CYTH1: variants seen among roughly 807,000 people sequenced by gnomAD.
The protein encoded by CYTH1 is cytohesin-1.
Under a neutral mutation model 61.8 loss-of-function variants are expected in CYTH1, and 18 were observed. The observed-to-expected ratio is 0.29, with a 90% CI of 0.20 to 0.43. The LOEUF (loss-of-function observed/expected upper bound fraction) is 0.43. Ranked by LOEUF, CYTH1 falls within the 20% of genes least tolerant of loss-of-function variation. The pLI is 1.00. For synonymous variants in CYTH1, 174 were observed against 184.3 expected, an observed-to-expected ratio of 0.94 and a Z score of 0.45; for missense variants, 336 against 510.5, an observed-to-expected ratio of 0.66 and a Z score of 3.29.
At chr17:78,711,818 C>T (rs568125202) in intron 1 of CYTH1, among the ~76,000 whole-genome samples, 9 of 151,846 alleles carry the variant, frequency 5.9e-5, no homozygotes, top group Non-Finnish European at 7.4e-5. Flanking sequence ...TTGTAGCTCA[C>T]GCCTGTAATC....
At chr17:78,721,831 G>T (rs1439803352) in intron 1 of CYTH1, among the ~76,000 whole-genome samples, 3 of 152,164 alleles carry the variant, frequency 2.0e-5, no homozygotes, top group Non-Finnish European at 4.4e-5. Flanking sequence ...ATCACTTGAG[G>T]TAAGGAGTTC....
chr17:78,739,156 T>TG (rs1363362784), intron 1 of CYTH1, among the ~76,000 whole-genome samples: 5 of 152,264 alleles, frequency 3.3e-5, no homozygotes, highest in Non-Finnish European at 5.9e-5. Context: ...TTTAAATGAT[T>TG]TGTAGATTAC....
intron 11 of CYTH1, among the ~76,000 whole-genome samples, chr17:78,688,210 T>C (rs1027232928): frequency 1.3e-5 from 2 of 152,218 alleles, no homozygotes; most frequent in African/African-American, 4.8e-5. Flanking sequence ...CATCCATGCA[T>C]ATAACACCAC....
intron 1 of CYTH1, among the ~76,000 whole-genome samples, chr17:78,768,368 T>C (rs528899945): frequency 2.6e-5 from 4 of 152,316 alleles, no homozygotes; most frequent in South Asian, 2.1e-4. Context: ...CACTCCTGCG[T>C]TGATCATCTC....
chr17:78,703,446 G>T (rs1176443943), intron 3 of CYTH1, among the ~76,000 whole-genome samples: 4 of 150,344 alleles, frequency 2.7e-5, no homozygotes, highest in African/African-American at 4.9e-5. Flanking sequence ...CTTTATCAGG[G>T]TATAATTTAC....
At chr17:78,751,124 T>C (rs936279190) in intron 1 of CYTH1, among the ~76,000 whole-genome samples, 5 of 152,002 alleles carry the variant, frequency 3.3e-5, no homozygotes, top group African/African-American at 9.7e-5. Flanking sequence ...GCTGGAACCA[T>C]GGGCGCATGG....
chr17:78,761,119 C>T (rs2093426953), intron 1 of CYTH1, among the ~76,000 whole-genome samples: 1 of 152,080 alleles, frequency 6.6e-6, no homozygotes, highest in Admixed American at 6.5e-5. Flanking sequence ...AGGTGTGAGC[C>T]ACCGCGCCCA....
chr17:78,772,352 C>G (rs747450870), intron 1 of CYTH1, among the ~76,000 whole-genome samples: 11 of 152,142 alleles, frequency 7.2e-5, no homozygotes, highest in Non-Finnish European at 1.6e-4. Flanking sequence ...GCCCCCCATA[C>G]TTGAAATAAG....
intron 1 of CYTH1, among the ~76,000 whole-genome samples, chr17:78,715,333 T>A (rs1368546265): frequency 3.9e-5 from 6 of 152,182 alleles, no homozygotes; most frequent in Non-Finnish European, 5.9e-5. Context: ...TAAAACAGAC[T>A]CATTTCAGAT....
At position 78,700,583 on chromosome 17, in the gene CYTH1, G is replaced by A. The variant is rs1484804949; in HGVS notation, c.438-140C>T. ...TCTGTCACCCAGGCTGGAGTGCAGT[G>A]GCGTGATCTTGGCTCACTGCAACCT... On this transcript the variant is annotated intron_variant, in intron 6 of 13. Coordinates refer to ENST00000446868, the MANE Select transcript of CYTH1 (RefSeq NM_004762.6). This position sits in a 1 kb window ranked among gnomAD's most constrained non-coding sequence, Gnocchi z 5.1. 4.9e-5 allele frequency: 32 copies of A among 653,434 alleles called. No individual in the cohort carries two copies. The Admixed American group carries it at 9.5e-4, about 19-fold the overall frequency. The allele number at this position is 653,434 out of a possible 1,614,324, so 40.5% of individuals were successfully genotyped here.
intron 1 of CYTH1, among the ~76,000 whole-genome samples, chr17:78,760,359 A>T (rs1366371798): frequency 2.3e-5 from 1 of 44,186 alleles, no homozygotes; most frequent in African/African-American, 7.1e-5. Context: ...GCAGGTTTAT[A>T]TATATATATA....
At chr17:78,711,706 CTTTT>C (rs78639438) in intron 1 of CYTH1, among the ~76,000 whole-genome samples, 9 of 141,338 alleles carry the variant, frequency 6.4e-5, no homozygotes, top group African/African-American at 1.0e-4. Flanking sequence ...CCGACTTTTC[CTTTT>C]TTTTTTTTTT....
chr17:78,769,861 A>G (rs542243485), intron 1 of CYTH1, among the ~76,000 whole-genome samples: 1 of 152,214 alleles, frequency 6.6e-6, no homozygotes, highest in Non-Finnish European at 1.5e-5. Context: ...TACTAAAAAT[A>G]CAAAAATTGG....
At chr17:78,768,831 C>A (rs1397453689) in intron 1 of CYTH1, among the ~76,000 whole-genome samples, 1 of 152,066 alleles carries the variant, frequency 6.6e-6, no homozygotes, top group Non-Finnish European at 1.5e-5. Context: ...TTCTCTCTCC[C>A]TTCCCCCTCT....
chr17:78,761,168 T>C (rs1039556646), intron 1 of CYTH1, among the ~76,000 whole-genome samples: 4 of 152,124 alleles, frequency 2.6e-5, no homozygotes, highest in Admixed American at 2.0e-4. Context: ...ATAGCAATGC[T>C]ACAATAAACA....
intron 1 of CYTH1, among the ~76,000 whole-genome samples, chr17:78,773,398 G>A (rs1472616923): frequency 2.0e-5 from 3 of 152,152 alleles, no homozygotes; most frequent in Non-Finnish European, 4.4e-5. Flanking sequence ...GGGAGGCCGA[G>A]GCGGACGGAT....
At chr17:78,683,134 A>AT (rs921112934) in intron 11 of CYTH1, among the ~76,000 whole-genome samples, 17 of 150,742 alleles carry the variant, frequency 1.1e-4, no homozygotes, top group South Asian at 2.1e-4. Flanking sequence ...TTCCAGGAGG[A>AT]TTTTTTTTTA....
At chr17:78,760,862 G>A (rs966006714) in intron 1 of CYTH1, among the ~76,000 whole-genome samples, 1 of 151,794 alleles carries the variant, frequency 6.6e-6, no homozygotes, top group Admixed American at 6.6e-5. Context: ...TAAACCCATC[G>A]TAAAGTCAAC....
intron 10 of CYTH1, 69 bp downstream of exon 10, chr17:78,695,938 G>C: frequency 7.4e-7 from 1 of 1,360,386 alleles, no homozygotes; most frequent in South Asian, 1.2e-5. Flanking sequence ...CAAAAATAAC[G>C]AAATCAGAAA....
Sources: allele counts gnomAD v4.1 joint callset (sites outside exome capture counted in the v4.1 genomes callset), GRCh38; gene constraint gnomAD v4.1.1; non-coding constraint Gnocchi (gnomAD v3.1); transcripts MANE v1.5; gene names NCBI Gene and HGNC (gene_info 2026-07-23, HGNC 2026-07-21).